Variants in GRIK2 observed in about 807,000 individuals in gnomAD.
GRIK2 encodes the protein glutamate receptor ionotropic, kainate 2.
Under a neutral mutation model 100.3 loss-of-function variants are expected in GRIK2, and 32 were observed. The observed-to-expected ratio is 0.32, with a 90% CI of 0.24 to 0.43. The LOEUF (loss-of-function observed/expected upper bound fraction) is 0.43, where lower values mean the gene tolerates loss of function less well. GRIK2 is among the 20% of genes least tolerant of loss of function. The probability of loss-of-function intolerance (pLI) is 1.00; values close to 1 mark genes in which losing one functional copy is unlikely to be tolerated. For synonymous variants in GRIK2, 417 were observed against 389.4 expected, an observed-to-expected ratio of 1.07 and a Z score of -0.83; for missense variants, 843 against 1,114.9, an observed-to-expected ratio of 0.76 and a Z score of 3.47.
chr6:101,905,871 A>G (rs542761095), intron 12 of GRIK2, among the ~76,000 whole-genome samples: 8 of 151,614 alleles, frequency 5.3e-5, no homozygotes, highest in African/African-American at 1.7e-4. Flanking sequence ...TGGAATTTTT[A>G]TTTATTGTTT....
At chr6:101,751,318 T>A (rs555226663) in intron 7 of GRIK2, among the ~76,000 whole-genome samples, 2 of 152,246 alleles carry the variant, frequency 1.3e-5, no homozygotes, top group South Asian at 2.1e-4. Flanking sequence ...GACACAATAG[T>A]AATAACAAAC....
At chr6:101,781,817 C>A (rs957216581) in intron 7 of GRIK2, among the ~76,000 whole-genome samples, 3 of 151,032 alleles carry the variant, frequency 2.0e-5, no homozygotes, top group African/African-American at 7.3e-5. Context: ...TATTATTGAA[C>A]CATATTCATA....
chr6:101,502,637 A>T (rs1300863452), intron 2 of GRIK2, among the ~76,000 whole-genome samples: 2 of 152,154 alleles, frequency 1.3e-5, no homozygotes, highest in African/African-American at 4.8e-5. Flanking sequence ...GAAGAACAGT[A>T]AAGTGATACT....
intron 7 of GRIK2, among the ~76,000 whole-genome samples, chr6:101,758,248 AAATG>A (rs1777258416): frequency 6.6e-6 from 1 of 152,170 alleles, no homozygotes; most frequent in African/African-American, 2.4e-5. Context: ...TTAAATAAAT[AAATG>A]AATGAAGGTA....
In GRIK2 at chr6:101,969,753, T is replaced by TAAGTC. The variant is rs991186293; in HGVS notation, c.2085+41122_2085+41126dup. On this transcript the variant is annotated intron_variant, in intron 14 of 16. Coordinates refer to ENST00000369134, the MANE Select transcript of GRIK2 (RefSeq NM_021956.5). ...CATATATAGGATTGTGTGTCTTAGA[T>TAAGTC]AAGTCCACATAAAACATAAATTGGA... 5.5e-4 allele frequency among the ~76,000 whole-genome samples: 84 copies of TAAGTC among 152,164 alleles called. 1 individual carries two copies. Among genetic ancestry groups the TAAGTC allele is most frequent in the African/African-American group, 2.0e-3 (84 of 41,554 alleles).
rs1477031048 is a variant in GRIK2 at position 102,042,118 on chromosome 6, A to G, written c.2311+6552A>G. Among the ~76,000 whole-genome samples the G allele has an allele frequency of 7.9e-5, 12 of 151,826 alleles. No individual in the cohort carries two copies. The South Asian group carries it at 2.3e-3, about 29-fold the overall frequency. On this transcript the variant is annotated intron_variant, in intron 15 of 16. Transcript: ENST00000369134. ...TCATAAGGCATTATCTGAACAAGCA[A>G]AATGGTTTTCCATTTCCAAACATGT...
intron 2 of GRIK2, among the ~76,000 whole-genome samples, chr6:101,493,334 A>C (rs1773244629): frequency 1.3e-5 from 2 of 152,052 alleles, no homozygotes. Flanking sequence ...GGTATCAAGA[A>C]GTGACAAAAA....
intron 9 of GRIK2, among the ~76,000 whole-genome samples, chr6:101,813,086 A>G (rs1781434001): frequency 6.6e-6 from 1 of 152,048 alleles, no homozygotes; most frequent in Non-Finnish European, 1.5e-5. Context: ...ACATAAATGT[A>G]CTATATATAG....
At chr6:101,924,795 C>A in intron 13 of GRIK2, 76 bp downstream of exon 13, 1 of 911,182 alleles carries the variant, frequency 1.1e-6, no homozygotes, top group South Asian at 1.4e-5. Flanking sequence ...CTTGCTGGCA[C>A]AAGTCGCTTG....
At chr6:101,724,306 A>T (rs1774705755) in intron 7 of GRIK2, among the ~76,000 whole-genome samples, 1 of 151,900 alleles carries the variant, frequency 6.6e-6, no homozygotes, top group Admixed American at 6.6e-5. Context: ...TAGTAAACAT[A>T]GTATCCAATA....
intron 14 of GRIK2, among the ~76,000 whole-genome samples, chr6:101,936,794 A>G (rs1329881383): frequency 6.6e-6 from 1 of 152,184 alleles, no homozygotes; most frequent in Non-Finnish European, 1.5e-5. Flanking sequence ...ATGAAAGCAT[A>G]TGAGTCAAAG....
intron 2 of GRIK2, among the ~76,000 whole-genome samples, chr6:101,530,448 A>T (rs1775384519): frequency 6.6e-6 from 1 of 152,072 alleles, no homozygotes; most frequent in Non-Finnish European, 1.5e-5. Context: ...AACAATTAGA[A>T]GGAAATTATA....
intron 4 of GRIK2, among the ~76,000 whole-genome samples, chr6:101,665,376 C>T (rs558092710): frequency 2.0e-4 from 31 of 152,332 alleles, no homozygotes; most frequent in Admixed American, 3.9e-4. Flanking sequence ...TTTGGAATCA[C>T]AGTAACTCCC....
intron 9 of GRIK2, among the ~76,000 whole-genome samples, chr6:101,803,301 C>T (rs1302110337): frequency 2.6e-5 from 4 of 151,844 alleles, no homozygotes; most frequent in Admixed American, 6.6e-5. Context: ...CTTTCTTAGT[C>T]TGGAAGATAA....
chr6:101,591,388 C>G (rs906231604), intron 2 of GRIK2, among the ~76,000 whole-genome samples: 1 of 151,790 alleles, frequency 6.6e-6, no homozygotes, highest in African/African-American at 2.4e-5. Context: ...AGATTATCTA[C>G]TACTCTTTAT....
intron 11 of GRIK2, among the ~76,000 whole-genome samples, chr6:101,878,189 C>T (rs1785998537): frequency 6.7e-6 from 1 of 149,532 alleles, no homozygotes; most frequent in African/African-American, 2.4e-5. Flanking sequence ...GAAATAATAG[C>T]AAAATTTCTG....
chr6:101,825,620 TTA>T (rs956156083), intron 10 of GRIK2, among the ~76,000 whole-genome samples: 2 of 152,042 alleles, frequency 1.3e-5, no homozygotes, highest in African/African-American at 4.8e-5. Flanking sequence ...AGTTTTGCCT[TTA>T]TGTTATTTTT....
chr6:101,637,565 A>G (rs2786239), intron 4 of GRIK2, among the ~76,000 whole-genome samples: 28,164 of 152,042 alleles, frequency 0.19, 3,014 homozygotes, highest in African/African-American at 0.3. Context: ...TTTAGTGCTG[A>G]AACAACGCCC....
chr6:101,486,820 C>T (rs1772860143), intron 2 of GRIK2, among the ~76,000 whole-genome samples: 1 of 146,644 alleles, frequency 6.8e-6, no homozygotes, highest in Admixed American at 6.8e-5. Context: ...AAGTGTCTCT[C>T]TCAGTAACGA....
Sources: gnomAD v4.1 joint callset for allele counts (sites outside exome capture counted in the v4.1 genomes callset) on GRCh38, gnomAD v4.1.1 for gene constraint, MANE v1.5 for transcripts, NCBI Gene and HGNC (gene_info 2026-07-23, HGNC 2026-07-21) for gene names.